The following BAZ2B variants were observed in gnomAD, a reference collection of about 807,000 sequenced individuals.
BAZ2B encodes bromodomain adjacent to zinc finger domain 2B.
BAZ2B carries 91 observed loss-of-function variants against 246.0 expected under a neutral mutation model. That is an observed-to-expected ratio of 0.37 (90% confidence interval 0.31 to 0.44). The LOEUF (loss-of-function observed/expected upper bound fraction) is 0.44, where lower values mean the gene tolerates loss of function less well. Among genes scored for constraint, BAZ2B ranks in the 20% least tolerant of loss-of-function variants. The probability of loss-of-function intolerance (pLI) is 1.00; values close to 1 mark genes in which losing one functional copy is unlikely to be tolerated. For synonymous variants in BAZ2B, 855 were observed against 860.0 expected (o/e 0.99, Z 0.10); for missense variants, 2,332 against 2,533.7 (o/e 0.92, Z 1.71).
At chr2:159,603,124 G>C (rs575102255) in intron 1 of BAZ2B, among the ~76,000 whole-genome samples, 1 of 152,160 alleles carries the variant, frequency 6.6e-6, no homozygotes, top group Non-Finnish European at 1.5e-5. Flanking sequence ...GCAACAGAGC[G>C]AGACTCCGTC....
downstream of BAZ2B, among the ~76,000 whole-genome samples, chr2:159,315,588 G>A (rs1283987931): frequency 4.6e-5 from 7 of 152,176 alleles, no homozygotes; most frequent in East Asian, 1.3e-3. Context: ...GTTTTGCCGA[G>A]AACAAGTAAT....
At chr2:159,709,870 G>A in the BAZ2B span, among the ~76,000 whole-genome samples, 3 of 152,340 alleles carry the variant, frequency 2.0e-5, no homozygotes, top group African/African-American at 7.2e-5. Context: ...TAAAATAAAA[G>A]GGGGAAAATT....
chr2:159,373,270 T>C (rs984280923), intron 26 of BAZ2B, 81 bp from the exon 27 acceptor site: 74 of 1,306,478 alleles, frequency 5.7e-5, no homozygotes, highest in Non-Finnish European at 5.5e-5. Context: ...TTTATACTTA[T>C]TGTACCTTTA....
intron 34 of BAZ2B, among the ~76,000 whole-genome samples, chr2:159,330,226 G>A (rs1166369670): frequency 6.6e-6 from 1 of 152,136 alleles, no homozygotes; most frequent in Admixed American, 6.5e-5. Flanking sequence ...GACCTTATTT[G>A]ATCTTCACAA....
At position 159,325,385 on chromosome 2, in the gene BAZ2B, C is replaced by G. The variant is rs184354907; in HGVS notation, c.6209+268G>C. Among the ~76,000 whole-genome samples the G allele has an allele frequency of 2.6e-3, 387 of 151,360 alleles. 1 individual carries two copies. The highest frequency in any genetic ancestry group is 4.5e-3 in the Non-Finnish European group (308 of 67,854). ...ACCTCAGGTGACCCACCTGTCTTGA[C>G]CTCTCAAAGTGCTGGGATTTCAGGT... On this transcript the variant is annotated intron_variant, in intron 35 of 36. Transcript: ENST00000392783.
At chr2:159,347,898 A>G (rs564672193) in intron 30 of BAZ2B, among the ~76,000 whole-genome samples, 1 of 152,334 alleles carries the variant, frequency 6.6e-6, no homozygotes, top group South Asian at 2.1e-4. Flanking sequence ...TAGTTTGTTG[A>G]GTAAAACAGA....
the BAZ2B span, among the ~76,000 whole-genome samples, chr2:159,631,059 G>A: frequency 6.6e-6 from 1 of 152,200 alleles, no homozygotes; most frequent in Admixed American, 6.5e-5. Flanking sequence ...ACCCGGGCAT[G>A]GTGGTACACA....
Position 159,520,971 on chromosome 2 carries a change from T to C in BAZ2B, c.-3+34852A>G, listed in dbSNP as rs547278789. On this transcript the variant is annotated intron_variant, in intron 2 of 36. Coordinates refer to ENST00000392783, the MANE Select transcript of BAZ2B (RefSeq NM_013450.4). ...TCCAATGTGTAGCCATTAAAATTTA[T>C]TTCTGAACTTCCTATTTTATAAAAA... Among the ~76,000 whole-genome samples, 3 of 152,272 alleles carry C rather than the reference T, an allele frequency of 2.0e-5. No individual in the cohort carries two copies. In the East Asian group the frequency reaches 5.8e-4, roughly 29 times the overall value.
intron 2 of BAZ2B, among the ~76,000 whole-genome samples, chr2:159,503,564 G>T (rs1331824177): frequency 6.6e-6 from 1 of 151,756 alleles, no homozygotes; most frequent in Non-Finnish European, 1.5e-5. Flanking sequence ...TTTTTTATCT[G>T]CCTTCTTCTT....
At chr2:159,456,198 A>G (rs1382410878) in intron 3 of BAZ2B, among the ~76,000 whole-genome samples, 5 of 152,104 alleles carry the variant, frequency 3.3e-5, no homozygotes, top group Non-Finnish European at 7.4e-5. Context: ...CAAGGATTAG[A>G]AACTGATAGA....
chr2:159,601,516 T>G (rs1467118493), intron 1 of BAZ2B, among the ~76,000 whole-genome samples: 1 of 149,612 alleles, frequency 6.7e-6, no homozygotes, highest in Non-Finnish European at 1.5e-5. Flanking sequence ...AGTTCAGGAG[T>G]TCAAGACCAG....
intron 2 of BAZ2B, among the ~76,000 whole-genome samples, chr2:159,491,719 T>TAAAAAAAAAAAA (rs2080506407): frequency 9.5e-5 from 1 of 10,530 alleles, no homozygotes; most frequent in Non-Finnish European, 1.5e-4. Flanking sequence ...AGACTCCGTC[T>TAAAAAAAAAAAA]CAAAAAAAAA....
intron 30 of BAZ2B, 29 bp downstream of exon 30, chr2:159,348,649 G>A (rs2058235647): frequency 2.6e-6 from 4 of 1,567,952 alleles, no homozygotes; most frequent in Non-Finnish European, 3.4e-6. Context: ...AAGCAAGAAA[G>A]AAAGCTGAAA....
At chr2:159,374,424 C>A (rs988370016) in intron 26 of BAZ2B, among the ~76,000 whole-genome samples, 1 of 152,080 alleles carries the variant, frequency 6.6e-6, no homozygotes, top group Non-Finnish European at 1.5e-5. Flanking sequence ...AGAATATTTT[C>A]TTTCTAGGCT....
At chr2:159,526,464 G>A (rs2084748013) in intron 2 of BAZ2B, among the ~76,000 whole-genome samples, 1 of 151,968 alleles carries the variant, frequency 6.6e-6, no homozygotes, top group Non-Finnish European at 1.5e-5. Flanking sequence ...ATTGGAAAAT[G>A]AAAAAATGAA....
chr2:159,496,367 A>G (rs1441320440), intron 2 of BAZ2B, among the ~76,000 whole-genome samples: 1 of 114,802 alleles, frequency 8.7e-6, no homozygotes, highest in African/African-American at 3.4e-5. Context: ...ATAGAGCAAG[A>G]CTCCATCTAA....
chr2:159,338,427 T>C (rs942956492), intron 31 of BAZ2B, among the ~76,000 whole-genome samples: 3 of 152,178 alleles, frequency 2.0e-5, no homozygotes, highest in Non-Finnish European at 2.9e-5. Context: ...AATTATTCGA[T>C]GAATATTTTT....
Position 159,361,274 on chromosome 2 carries a change from T to C in BAZ2B, c.4214-10917A>G, listed in dbSNP as rs141511159. On this transcript the variant is annotated intron_variant, in intron 27 of 36. Coordinates refer to ENST00000392783, the MANE Select transcript of BAZ2B (RefSeq NM_013450.4). The stretch of plus-strand genomic sequence containing the variant: ...TTACAAGAAAATATAAACAACCCCA[T>C]CAAAAAGTGGGTGAAGGATATGAAT... Among the ~76,000 whole-genome samples the C allele has an allele frequency of 5.9e-3, 896 of 151,882 alleles. 23 individuals carry two copies. The South Asian group carries it at 0.061, about 10-fold the overall frequency.
chr2:159,416,882 T>G (rs189493515), intron 13 of BAZ2B, among the ~76,000 whole-genome samples: 1 of 152,330 alleles, frequency 6.6e-6, no homozygotes, highest in African/African-American at 2.4e-5. Flanking sequence ...TACAACAGCT[T>G]TAATTCATTG....
Sources: allele counts gnomAD v4.1 joint callset (sites outside exome capture counted in the v4.1 genomes callset), GRCh38; gene constraint gnomAD v4.1.1; transcripts MANE v1.5; gene names NCBI Gene and HGNC (gene_info 2026-07-23, HGNC 2026-07-21).